ZNF385D: variants seen among roughly 807,000 people sequenced by gnomAD.
ZNF385D encodes the protein zinc finger protein 385D.
ZNF385D carries 15 observed loss-of-function variants against 35.8 expected under a neutral mutation model. The observed-to-expected ratio is 0.42, with a 90% CI of 0.28 to 0.64. ZNF385D has a LOEUF of 0.64. Among genes scored for constraint, ZNF385D ranks in the 30% least tolerant of loss-of-function variants. ZNF385D has a pLI of 0.23. For synonymous variants in ZNF385D, 212 were observed against 186.8 expected, an observed-to-expected ratio of 1.13 and a Z score of -1.10; for missense variants, 474 against 494.6, an observed-to-expected ratio of 0.96 and a Z score of 0.39.
intron 2 of ZNF385D, among the ~76,000 whole-genome samples, chr3:22,245,108 G>A (rs978854379): frequency 2.6e-5 from 4 of 152,096 alleles, no homozygotes; most frequent in African/African-American, 9.7e-5. Context: ...ACCATATATT[G>A]CCTTCAAGGA....
At chr3:21,589,511 T>C (rs1231498047) in intron 2 of ZNF385D, among the ~76,000 whole-genome samples, 2 of 152,120 alleles carry the variant, frequency 1.3e-5, no homozygotes, top group Non-Finnish European at 2.9e-5. Context: ...GGCCTTACTG[T>C]AGGAAAATAT....
intron 1 of ZNF385D, among the ~76,000 whole-genome samples, chr3:21,667,403 C>G (rs1334634816): frequency 6.6e-6 from 1 of 152,164 alleles, no homozygotes; most frequent in Non-Finnish European, 1.5e-5. Context: ...CTCAAGCAAT[C>G]CACCCACCTC....
chr3:21,467,774 G>A (rs1179383680), intron 4 of ZNF385D, among the ~76,000 whole-genome samples: 1 of 152,096 alleles, frequency 6.6e-6, no homozygotes, highest in Admixed American at 6.6e-5. Flanking sequence ...CTAGTTAAAA[G>A]CACCTTCAAA....
At chr3:22,279,232 A>G (rs1014134576) in intron 2 of ZNF385D, among the ~76,000 whole-genome samples, 2 of 151,792 alleles carry the variant, frequency 1.3e-5, no homozygotes, top group Admixed American at 6.6e-5. Flanking sequence ...ACTATACCCA[A>G]TGTGTAGTCT....
intron 2 of ZNF385D, among the ~76,000 whole-genome samples, chr3:21,610,724 G>A (rs1018382644): frequency 2.0e-5 from 3 of 151,528 alleles, no homozygotes; most frequent in Non-Finnish European, 4.4e-5. Flanking sequence ...GCAGTGAGCC[G>A]AGATCGCGCC....
chr3:22,290,950 C>A (rs556355910), intron 2 of ZNF385D, among the ~76,000 whole-genome samples: 7 of 151,938 alleles, frequency 4.6e-5, no homozygotes, highest in African/African-American at 1.7e-4. Context: ...CCTTGTTGTG[C>A]GGGCATGAGG....
At chr3:21,609,356 A>T (rs571377733) in intron 2 of ZNF385D, among the ~76,000 whole-genome samples, 3 of 152,198 alleles carry the variant, frequency 2.0e-5, no homozygotes, top group African/African-American at 7.2e-5. Context: ...ACTAATTATA[A>T]TAAGAAAAAA....
intron 3 of ZNF385D, among the ~76,000 whole-genome samples, chr3:22,141,078 C>A (rs1031847326): frequency 6.6e-6 from 1 of 152,118 alleles, no homozygotes; most frequent in South Asian, 2.1e-4. Flanking sequence ...TTTACTGTAG[C>A]CCATTTGAAA....
At position 21,430,803 on chromosome 3, in the gene ZNF385D, C is replaced by G. The variant is rs17008695; in HGVS notation, c.674-5133G>C. Among the ~76,000 whole-genome samples, 1,517 of 152,124 alleles carry G rather than the reference C, an allele frequency of 1.0e-2. 27 individuals are homozygous for G. Among genetic ancestry groups the G allele is most frequent in the African/African-American group, 0.035 (1,448 of 41,488 alleles). On this transcript the variant is annotated intron_variant, in intron 5 of 7. Transcript: ENST00000281523. ...TTTTATATCCATTCCCCAAGAAAGC[C>G]TAGTGAAAAGGTCTTAAACTTATTA...
chr3:21,517,310 C>T (rs1338699709), intron 3 of ZNF385D, among the ~76,000 whole-genome samples: 1 of 151,916 alleles, frequency 6.6e-6, no homozygotes, highest in Non-Finnish European at 1.5e-5. Flanking sequence ...GAGATAATGG[C>T]CATGAACACA....
intron 3 of ZNF385D, among the ~76,000 whole-genome samples, chr3:21,891,318 C>T (rs1010923502): frequency 6.6e-6 from 1 of 151,986 alleles, no homozygotes; most frequent in Non-Finnish European, 1.5e-5. Context: ...ACTGAGATCA[C>T]AGGTAAAAAA....
chr3:21,498,907 A>G (rs1706137723), intron 4 of ZNF385D, among the ~76,000 whole-genome samples: 2 of 134,936 alleles, frequency 1.5e-5, no homozygotes, highest in South Asian at 2.4e-4. Context: ...CGATCGCACC[A>G]CTGCACCCCA....
rs1267086209 is a variant in ZNF385D, at chr3:22,094,160, C to T, written c.325+74657G>A. On this transcript the variant is annotated intron_variant, in intron 3 of 5. Transcript: ENST00000494108. ...TTAATGTCTTCCGGCATCAAATATT[C>T]TAATTTTCCTTTCTACCAATTATAT... 3.4e-4 allele frequency among the ~76,000 whole-genome samples: 52 copies of T among 151,612 alleles called. 2 individuals carry two copies. Among genetic ancestry groups the T allele is most frequent in the Admixed American group, 3.4e-3 (52 of 15,174 alleles).
At chr3:22,258,705 C>G (rs1241210463) in intron 2 of ZNF385D, among the ~76,000 whole-genome samples, 1 of 151,130 alleles carries the variant, frequency 6.6e-6, no homozygotes, top group South Asian at 2.1e-4. Flanking sequence ...TTGCTATTTG[C>G]CACATCAGAA....
intron 2 of ZNF385D, among the ~76,000 whole-genome samples, chr3:22,178,791 C>T (rs1410832573): frequency 6.6e-6 from 1 of 152,182 alleles, no homozygotes; most frequent in Non-Finnish European, 1.5e-5. Flanking sequence ...CTAGTTTCAG[C>T]TTTCTACATA....
intron 4 of ZNF385D, among the ~76,000 whole-genome samples, chr3:21,440,373 A>G (rs942544668): frequency 2.0e-5 from 3 of 152,100 alleles, no homozygotes; most frequent in African/African-American, 7.2e-5. Context: ...AACAGAAAAC[A>G]AACCTAAACT....
chr3:22,153,249 A>G (rs1286024621), intron 3 of ZNF385D, among the ~76,000 whole-genome samples: 1 of 151,956 alleles, frequency 6.6e-6, no homozygotes, highest in Non-Finnish European at 1.5e-5. Context: ...CTGCCCTCTT[A>G]GGTACTCTAT....
chr3:22,032,342 G>C lies in ZNF385D; in HGVS notation c.325+136475C>G, dbSNP rs533827724. Among the ~76,000 whole-genome samples, 69 of 152,288 alleles carry C rather than the reference G, an allele frequency of 4.5e-4. 1 individual carries two copies. Among genetic ancestry groups the C allele is most frequent in the South Asian group, 1.9e-3 (9 of 4,826 alleles). On this transcript the variant is annotated intron_variant, in intron 3 of 5. Coordinates refer to the ZNF385D transcript ENST00000494108. ...GGCAAAGGAAAAGCAAGTACTTCTT[G>C]ACAAGGCAGCAGGAGAGAGAAGAGC...
intron 2 of ZNF385D, among the ~76,000 whole-genome samples, chr3:22,209,745 G>A (rs1393088725): frequency 1.0e-5 from 1 of 97,270 alleles, no homozygotes; most frequent in Non-Finnish European, 2.0e-5. Context: ...TTTCATTTAT[G>A]ATTTTAAAAG....
Sources: gnomAD v4.1 joint callset for allele counts (sites outside exome capture counted in the v4.1 genomes callset) on GRCh38, gnomAD v4.1.1 for gene constraint, MANE v1.5 for transcripts, NCBI Gene and HGNC (gene_info 2026-07-23, HGNC 2026-07-21) for gene names.